The following SLC25A25 variants were observed in gnomAD, a reference collection of about 807,000 sequenced individuals.
SLC25A25 encodes solute carrier family 25 member 25.
In SLC25A25, 32 loss-of-function variants were observed where a neutral mutation model predicts 57.7. That is an observed-to-expected ratio of 0.55 (90% CI 0.42 to 0.74). SLC25A25 has a LOEUF of 0.74. Ranked by LOEUF, SLC25A25 falls within the 30% of genes least tolerant of loss-of-function variation. The probability of loss-of-function intolerance (pLI) is 0.00; values close to 1 mark genes in which losing one functional copy is unlikely to be tolerated. For missense variants in SLC25A25, 556 were observed against 701.3 expected, an observed-to-expected ratio of 0.79 and a Z score of 2.34; for synonymous variants, 306 against 291.2, an observed-to-expected ratio of 1.05 and a Z score of -0.52.
chr9:128,079,715 A>G (rs75558667), intron 1 of SLC25A25, among the ~76,000 whole-genome samples: 3,289 of 129,348 alleles, frequency 0.025, 87 homozygotes, highest in African/African-American at 0.075. Context: ...AGGAGGGGCC[A>G]GGCGCGGTGG....
At position 128,102,199 on chromosome 9, in the gene SLC25A25, A is replaced by G; in HGVS notation, c.512+84A>G. 2.6e-6 allele frequency: 4 copies of G among 1,515,972 alleles called. No individual in the cohort carries two copies. Among genetic ancestry groups the G allele is most frequent in the Non-Finnish European group, 3.6e-6 (4 of 1,115,368 alleles). The allele number at this position is 1,515,972 out of a possible 1,614,324, so 93.9% of individuals were successfully genotyped here. ...GATTCTTGTGGGCCATTATATTGCC[A>G]TTGTTGTGCTAAGTGGGGTGTGGAG... On this transcript the variant is annotated intron_variant, in intron 4 of 10. Transcript: ENST00000373069. The surrounding 1 kb of genome is among the most constrained non-coding windows in gnomAD (Gnocchi z 4.1).
intron 1 of SLC25A25, among the ~76,000 whole-genome samples, chr9:128,086,494 C>T (rs10987866): frequency 0.74 from 112,981 of 151,970 alleles, 43,802 homozygotes; most frequent in Non-Finnish European, 0.85. Flanking sequence ...CCACCACACC[C>T]GGCTAATTTT....
At chr9:128,073,883 G>A (rs988271799) in intron 1 of SLC25A25, among the ~76,000 whole-genome samples, 2 of 151,778 alleles carry the variant, frequency 1.3e-5, no homozygotes, top group Non-Finnish European at 2.9e-5. Context: ...ACAGGCCTGC[G>A]CCACCATGCC....
intron 1 of SLC25A25, among the ~76,000 whole-genome samples, chr9:128,089,575 A>G (rs2130800108): frequency 6.6e-6 from 1 of 151,898 alleles, no homozygotes; most frequent in Admixed American, 6.6e-5. Context: ...AGGCTCCTTC[A>G]GCTTTCAGAA....
intron 1 of SLC25A25, among the ~76,000 whole-genome samples, chr9:128,093,315 A>G (rs946444643): frequency 8.5e-5 from 13 of 152,234 alleles, no homozygotes; most frequent in Non-Finnish European, 1.8e-4. Flanking sequence ...TTTAGACAAG[A>G]TTGGAATGGC....
chr9:128,080,528 G>A (rs1167046870), intron 1 of SLC25A25, among the ~76,000 whole-genome samples: 1 of 150,440 alleles, frequency 6.6e-6, no homozygotes, highest in Admixed American at 6.6e-5. Flanking sequence ...GCCCAGGCTG[G>A]AGTGCATGGA....
chr9:128,068,394 T>A lies in SLC25A25; in HGVS notation c.75T>A (p.Ser25=). 1 of 1,557,818 alleles carries A rather than the reference T, an allele frequency of 6.4e-7. No individual in the cohort carries two copies. The highest frequency in any genetic ancestry group is 8.6e-7 in the Non-Finnish European group (1 of 1,160,908). The change falls in exon 1 of 11, where the codon TCT becomes TCA. Residue 25 remains serine (S), a synonymous_variant. Coordinates refer to ENST00000373069, the MANE Select transcript of SLC25A25 (RefSeq NM_001330988.2). ...CCGCCGCCACCGCCGCCTCTTCGTC[T>A]GCCTCATCGCCGGCGTCCGTGGGGG... ...PDAAATAASS[S]ASSPASVGDP...
intron 1 of SLC25A25, chr9:128,092,088 A>G (rs1444362894): frequency 6.2e-7 from 1 of 1,613,338 alleles, no homozygotes; most frequent in Admixed American, 1.7e-5. Context: ...CAGTTTCCTA[A>G]GGTAATGTTG....
intron 1 of SLC25A25, among the ~76,000 whole-genome samples, chr9:128,086,153 G>A (rs138906057): frequency 7.3e-6 from 1 of 137,266 alleles, no homozygotes; most frequent in African/African-American, 2.6e-5. Flanking sequence ...GGTCAAGTTG[G>A]GTGTTTGTTT....
At chr9:128,091,442 G>C in intron 1 of SLC25A25, 1 of 985,810 alleles carries the variant, frequency 1.0e-6, no homozygotes, top group Non-Finnish European at 1.2e-6. Flanking sequence ...CTGGATGCTC[G>C]GGTCCTCGGC....
In SLC25A25 at chr9:128,107,979, C is replaced by G. The variant is rs3814524; in HGVS notation, c.*535C>G. Reference sequence around the variant, plus strand: ...GGCCTCCCAGGCCTGACTTCCCAACCTACAGCATTGACGCCAACTTGGCTG... The same window carrying G: ...GGCCTCCCAGGCCTGACTTCCCAACGTACAGCATTGACGCCAACTTGGCTG... On this transcript the variant is annotated 3_prime_UTR_variant, in exon 11 of 11. Coordinates refer to ENST00000373069, the MANE Select transcript of SLC25A25 (RefSeq NM_001330988.2). 0.036 allele frequency: 14,490 copies of G among 398,964 alleles called. 393 individuals carry two copies. The highest frequency in any genetic ancestry group is 0.078 in the South Asian group (610 of 7,864). The allele number at this position is 398,964 out of a possible 1,614,324, so 24.7% of individuals were successfully genotyped here.
rs1564192536 is a variant in SLC25A25, at chr9:128,102,037, G to A, written c.477-43G>A. 1.1e-5 allele frequency: 17 copies of A among 1,550,280 alleles called. 1 individual carries two copies. In the South Asian group the frequency reaches 2.0e-4, roughly 18 times the overall value. On this transcript the variant is annotated intron_variant, in intron 3 of 10. Transcript: ENST00000373069. This position sits in a 1 kb window ranked among gnomAD's most constrained non-coding sequence, Gnocchi z 4.1. ...AACATGGCTCCGAGCACTTATGCGT[G>A]TTGTTTCTGCTCTCTCCTCCGCATC...
Position 128,103,667 on chromosome 9 carries a change from A to G in SLC25A25, c.625-14A>G, listed in dbSNP as rs1291696519. 1.2e-6 allele frequency: 2 copies of G among 1,614,150 alleles called. No individual in the cohort carries two copies. The highest frequency in any genetic ancestry group is 1.1e-5 in the South Asian group (1 of 91,088). ...AAGGGTCCTGAGTCAGGCTTGTGCC[A>G]TCTTTCCTCACAGATCTTTGATGTG... On this transcript the variant is annotated splice_polypyrimidine_tract_variant and intron_variant, in intron 5 of 10. Coordinates refer to ENST00000373069, the MANE Select transcript of SLC25A25 (RefSeq NM_001330988.2). This position sits in a 1 kb window ranked among gnomAD's most constrained non-coding sequence, Gnocchi z 6.7.
chr9:128,097,682 G>A (rs1833601373), intron 1 of SLC25A25, among the ~76,000 whole-genome samples: 1 of 152,200 alleles, frequency 6.6e-6, no homozygotes, highest in African/African-American at 2.4e-5. Flanking sequence ...GAGCGGACGT[G>A]GGCGTTGAAG....
In SLC25A25 at chr9:128,105,871, C is replaced by T; in HGVS notation, c.926C>T (p.Ala309Val). 1.2e-6 allele frequency: 2 copies of T among 1,614,036 alleles called. No individual in the cohort carries two copies. Among genetic ancestry groups the T allele is most frequent in the Non-Finnish European group, 8.5e-7 (1 of 1,179,970 alleles). The change falls in exon 7 of 11, where the codon GCC (alanine) becomes GTC (valine). Residue 309 changes from alanine (A) to valine (V), a missense_variant. Ala to Val is a moderately conservative substitution (Grantham distance 64). Coordinates refer to ENST00000373069, the MANE Select transcript of SLC25A25 (RefSeq NM_001330988.2). Reference protein sequence around the residue: ...IAPESAIKFMAYEQIKRLVGS... With the variant: ...IAPESAIKFMVYEQIKRLVGS... ...CCCGAATCAGCCATCAAATTCATGG[C>T]CTATGAGCAGGTGAGGACCCAGCTC...
At chr9:128,094,219 C>G (rs1054401097) in intron 1 of SLC25A25, 1 of 152,198 alleles carries the variant, frequency 6.6e-6, no homozygotes, top group Non-Finnish European at 1.5e-5. Context: ...TTGTTTTGCT[C>G]TCACTTCCCC....
intron 1 of SLC25A25, among the ~76,000 whole-genome samples, chr9:128,096,515 T>A (rs967428953): frequency 8.6e-6 from 1 of 116,536 alleles, no homozygotes; most frequent in South Asian, 3.5e-4. Context: ...GTCTCAAAAA[T>A]AATAATAATA....
At position 128,101,034 on chromosome 9, in the gene SLC25A25, A is replaced by G. The variant is rs893210510; in HGVS notation, c.262-62A>G. On this transcript the variant is annotated intron_variant, in intron 1 of 10. Transcript: ENST00000373069. This position sits in a 1 kb window ranked among gnomAD's most constrained non-coding sequence, Gnocchi z 4.9. Reference sequence around the variant, plus strand: ...AGTCATTGCCTGGGGATGGGGCCCCACAAGGGACAAGGAAAGGCTGGTCCA... The same window carrying G: ...AGTCATTGCCTGGGGATGGGGCCCCGCAAGGGACAAGGAAAGGCTGGTCCA... 2.5e-6 allele frequency: 4 copies of G among 1,607,090 alleles called. No homozygotes were observed. Among genetic ancestry groups the G allele is most frequent in the African/African-American group, 1.3e-5 (1 of 74,660 alleles).
Position 128,103,322 on chromosome 9 carries a change from C to T in SLC25A25, c.625-359C>T, listed in dbSNP as rs545028414. 2.0e-4 allele frequency among the ~76,000 whole-genome samples: 31 copies of T among 152,336 alleles called. No individual in the cohort carries two copies. The highest frequency in any genetic ancestry group is 3.1e-4 in the Non-Finnish European group (21 of 68,018). ...GTGAGATCTCAGACGGCTCTCACCC[C>T]GGCCTGATCCCTTCAGCGCAGCCAG... On this transcript the variant is annotated intron_variant, in intron 5 of 10. Coordinates refer to ENST00000373069, the MANE Select transcript of SLC25A25 (RefSeq NM_001330988.2). This position sits in a 1 kb window ranked among gnomAD's most constrained non-coding sequence, Gnocchi z 6.7.
Sources: gnomAD v4.1 joint callset for allele counts (sites outside exome capture counted in the v4.1 genomes callset) on GRCh38, gnomAD v4.1.1 for gene constraint, Gnocchi (gnomAD v3.1) non-coding constraint, MANE v1.5 for transcripts, NCBI Gene and HGNC (gene_info 2026-07-23, HGNC 2026-07-21) for gene names.